CDC42SE2: variants seen among roughly 807,000 people sequenced by gnomAD.
The protein encoded by CDC42SE2 is CDC42 small effector protein 2.
Under a neutral mutation model 11.5 loss-of-function variants are expected in CDC42SE2, and 3 were observed. That is an observed-to-expected ratio of 0.26 (90% CI 0.12 to 0.67). The LOEUF (loss-of-function observed/expected upper bound fraction) is 0.67. CDC42SE2 is among the 30% of genes least tolerant of loss of function. The pLI is 0.80. For synonymous variants in CDC42SE2, 33 were observed against 34.8 expected (o/e 0.95, Z 0.18); for missense variants, 82 against 106.8 (o/e 0.77, Z 1.02).
intron 3 of CDC42SE2, among the ~76,000 whole-genome samples, chr5:131,375,167 C>T (rs1044863236): frequency 1.3e-5 from 2 of 151,598 alleles, no homozygotes; most frequent in African/African-American, 4.9e-5. Context: ...GAGATGAGAA[C>T]AACTAGTTCC....
intron 2 of CDC42SE2, among the ~76,000 whole-genome samples, chr5:131,338,310 A>G (rs1044670724): frequency 2.0e-5 from 3 of 152,206 alleles, no homozygotes; most frequent in Non-Finnish European, 4.4e-5. Flanking sequence ...AGTGATAGCC[A>G]TGATGAATGC....
intron 1 of CDC42SE2, among the ~76,000 whole-genome samples, chr5:131,283,190 G>T (rs1490848343): frequency 1.3e-5 from 2 of 152,060 alleles, no homozygotes; most frequent in Non-Finnish European, 2.9e-5. Context: ...GCCTCCCAAA[G>T]TGCTGGGATT....
intron 2 of CDC42SE2, among the ~76,000 whole-genome samples, chr5:131,345,049 A>G (rs1758805665): frequency 6.6e-6 from 1 of 152,208 alleles, no homozygotes; most frequent in African/African-American, 2.4e-5. Context: ...ATGGGGAGAA[A>G]CTAGAGCAGA....
intron 1 of CDC42SE2, among the ~76,000 whole-genome samples, chr5:131,285,424 A>C (rs1191166344): frequency 6.6e-6 from 1 of 152,236 alleles, no homozygotes; most frequent in Non-Finnish European, 1.5e-5. Context: ...TGATTAGCAT[A>C]TATTATAAAT....
the CDC42SE2 span, among the ~76,000 whole-genome samples, chr5:131,214,701 C>T: frequency 6.6e-6 from 1 of 152,108 alleles, no homozygotes; most frequent in East Asian, 1.9e-4. Context: ...CTGAAATAGC[C>T]TTCAGAATTG....
chr5:131,315,542 G>A (rs1055782584), intron 1 of CDC42SE2, among the ~76,000 whole-genome samples: 4 of 152,202 alleles, frequency 2.6e-5, no homozygotes, highest in Non-Finnish European at 5.9e-5. Context: ...GGGTTAGTTA[G>A]CTGCTAATCA....
chr5:131,220,608 A>T, the CDC42SE2 span, among the ~76,000 whole-genome samples: 1 of 152,166 alleles, frequency 6.6e-6, no homozygotes, highest in Admixed American at 6.5e-5. Flanking sequence ...TCCATTATAG[A>T]TGTAGAAAAC....
At chr5:131,390,375 G>A (rs1165822205) in intron 4 of CDC42SE2, among the ~76,000 whole-genome samples, 1 of 152,154 alleles carries the variant, frequency 6.6e-6, no homozygotes, top group Non-Finnish European at 1.5e-5. Context: ...TAAGATACTT[G>A]AGGTTGAGAA....
At chr5:131,289,553 G>T (rs1371622260) in intron 1 of CDC42SE2, among the ~76,000 whole-genome samples, 1 of 151,946 alleles carries the variant, frequency 6.6e-6, no homozygotes, top group Non-Finnish European at 1.5e-5. Flanking sequence ...CGCGCCTGTA[G>T]TCCCAGCTAC....
At chr5:131,368,252 CAA>C (rs543328653) in intron 3 of CDC42SE2, among the ~76,000 whole-genome samples, 10,933 of 65,088 alleles carry the variant, frequency 0.17, 807 homozygotes, top group African/African-American at 0.32. Flanking sequence ...GACTCCATCT[CAA>C]AAAAAAAAAA....
upstream of CDC42SE2, among the ~76,000 whole-genome samples, chr5:131,262,415 A>T (rs941533682): frequency 3.5e-5 from 2 of 56,448 alleles, no homozygotes; most frequent in Non-Finnish European, 5.2e-5. Context: ...AATTTAAAAT[A>T]AAAAAAATTG....
the CDC42SE2 span, among the ~76,000 whole-genome samples, chr5:131,215,411 C>T: frequency 6.6e-6 from 1 of 152,132 alleles, no homozygotes; most frequent in African/African-American, 2.4e-5. Context: ...GTCTTGTAGA[C>T]CTACGTGTTG....
chr5:131,233,143 A>G, the CDC42SE2 span, among the ~76,000 whole-genome samples: 66 of 152,248 alleles, frequency 4.3e-4, no homozygotes, highest in South Asian at 8.3e-4. Context: ...AAGGGATAGC[A>G]TAAGACCCAC....
chr5:131,263,080 A>G (rs1580717809), upstream of CDC42SE2, among the ~76,000 whole-genome samples: 3 of 150,304 alleles, frequency 2.0e-5, no homozygotes, highest in African/African-American at 7.4e-5. Context: ...CTATAGGTAC[A>G]CGCCAACACA....
intron 4 of CDC42SE2, among the ~76,000 whole-genome samples, chr5:131,387,979 T>C (rs1387839705): frequency 6.6e-6 from 1 of 152,178 alleles, no homozygotes; most frequent in Non-Finnish European, 1.5e-5. Context: ...TTCTTGCTGC[T>C]AGGAATGGTG....
At chr5:131,367,650 G>A (rs1297735405) in intron 3 of CDC42SE2, among the ~76,000 whole-genome samples, 1 of 152,152 alleles carries the variant, frequency 6.6e-6, no homozygotes, top group Non-Finnish European at 1.5e-5. Context: ...TGAAAGACAT[G>A]CCTGTTCATG....
intron 2 of CDC42SE2, among the ~76,000 whole-genome samples, chr5:131,256,733 A>G (rs1756682491): frequency 6.6e-6 from 1 of 152,230 alleles, no homozygotes; most frequent in South Asian, 2.1e-4. Context: ...ATTCTTTGCC[A>G]TGTGGGCCCA....
chr5:131,261,992 G>A (rs989332207), upstream of CDC42SE2, among the ~76,000 whole-genome samples: 2 of 150,494 alleles, frequency 1.3e-5, no homozygotes, highest in Admixed American at 6.6e-5. Flanking sequence ...ATTCAATCAC[G>A]TAATGTTTTG....
chr5:131,248,781 T>G (rs1756616532), intron 1 of CDC42SE2, among the ~76,000 whole-genome samples: 1 of 152,126 alleles, frequency 6.6e-6, no homozygotes, highest in Admixed American at 6.5e-5. Context: ...GGAAAATTAT[T>G]ATAAAACGTT....
Sources: gnomAD v4.1 joint callset for allele counts (sites outside exome capture counted in the v4.1 genomes callset) on GRCh38, gnomAD v4.1.1 for gene constraint, MANE v1.5 for transcripts, NCBI Gene and HGNC (gene_info 2026-07-23, HGNC 2026-07-21) for gene names.